Variants in FHIT observed in about 807,000 individuals in gnomAD.
FHIT encodes the protein bis(5'-adenosyl)-triphosphatase.
In FHIT, 19 loss-of-function variants were observed where a neutral mutation model predicts 17.9. That is an observed-to-expected ratio of 1.06 (90% CI 0.74 to 1.56). FHIT has a LOEUF of 1.56. Among genes scored for constraint, FHIT ranks in the 40% most tolerant of loss-of-function variants. The pLI is 0.00. For missense variants in FHIT, 248 were observed against 189.2 expected (o/e 1.31, Z -1.82); for synonymous variants, 81 against 69.7 (o/e 1.16, Z -0.81).
At chr3:60,022,759 G>T (rs553556037) in intron 5 of FHIT, among the ~76,000 whole-genome samples, 12 of 151,978 alleles carry the variant, frequency 7.9e-5, no homozygotes, top group Admixed American at 2.6e-4. Flanking sequence ...CACCAGGGAG[G>T]AAAAAAATAT....
At chr3:60,351,532 G>A (rs936720977) in intron 5 of FHIT, among the ~76,000 whole-genome samples, 1 of 152,172 alleles carries the variant, frequency 6.6e-6, no homozygotes, top group African/African-American at 2.4e-5. Context: ...CTATGGTGAA[G>A]GAGTTATTAC....
At chr3:61,216,584 G>A (rs188537231) in intron 1 of FHIT, among the ~76,000 whole-genome samples, 32 of 152,306 alleles carry the variant, frequency 2.1e-4, no homozygotes, top group African/African-American at 7.7e-4. Flanking sequence ...AAGTCAGTGT[G>A]GCGATTCCTC....
intron 3 of FHIT, among the ~76,000 whole-genome samples, chr3:61,014,807 A>AAAAAAAAAATAT (rs1553798839): frequency 4.1e-5 from 2 of 49,116 alleles, no homozygotes; most frequent in African/African-American, 1.1e-4. Context: ...AAAAAAAAAA[A>AAAAAAAAAATAT]ATATATATAT....
intron 5 of FHIT, among the ~76,000 whole-genome samples, chr3:60,252,705 A>T (rs1234496851): frequency 1.3e-5 from 2 of 152,062 alleles, no homozygotes; most frequent in African/African-American, 4.8e-5. Context: ...ATAAAAAAAG[A>T]CTGGGCTGGG....
At chr3:61,079,261 A>C (rs975533068) in intron 2 of FHIT, among the ~76,000 whole-genome samples, 12 of 152,310 alleles carry the variant, frequency 7.9e-5, no homozygotes, top group African/African-American at 2.9e-4. Flanking sequence ...TGGAGATTTA[A>C]TTACTAAATA....
At chr3:61,040,101 T>C (rs1260439646) in intron 3 of FHIT, among the ~76,000 whole-genome samples, 1 of 152,230 alleles carries the variant, frequency 6.6e-6, no homozygotes, top group Non-Finnish European at 1.5e-5. Context: ...CAAAGGGGTT[T>C]AACGAAACCT....
intron 3 of FHIT, among the ~76,000 whole-genome samples, chr3:60,895,677 T>C (rs868974800): frequency 0.084 from 3,684 of 43,772 alleles, 203 homozygotes; most frequent in African/African-American, 0.24. Flanking sequence ...TTTCTTTCTT[T>C]CTTTCTTTCT....
At chr3:60,574,074 T>G (rs144404990) in intron 4 of FHIT, among the ~76,000 whole-genome samples, 2 of 152,112 alleles carry the variant, frequency 1.3e-5, no homozygotes, top group Non-Finnish European at 2.9e-5. Flanking sequence ...CCTCCCAAAG[T>G]GCTGGCATTA....
chr3:60,252,855 G>A (rs375877695), intron 5 of FHIT, among the ~76,000 whole-genome samples: 19 of 151,840 alleles, frequency 1.3e-4, no homozygotes, highest in East Asian at 5.9e-4. Context: ...AAAATTAGCC[G>A]GGCGTGGTGG....
At position 59,767,225 on chromosome 3, in the gene FHIT, G is replaced by T. The variant is rs188007089; in HGVS notation, c.349-14904C>A. 2.6e-5 allele frequency among the ~76,000 whole-genome samples: 4 copies of T among 152,132 alleles called. No homozygotes were observed. In the East Asian group the frequency reaches 7.7e-4, roughly 29 times the overall value. On this transcript the variant is annotated intron_variant, in intron 8 of 9. Coordinates refer to ENST00000492590, the MANE Select transcript of FHIT (RefSeq NM_002012.4). The stretch of plus-strand genomic sequence containing the variant: ...TGAAAAATGGAGAGCTGGGCCGGGC[G>T]CGGTGGCTCACGCCTGTAATCCCAG...
intron 7 of FHIT, among the ~76,000 whole-genome samples, chr3:59,980,104 G>A (rs9830740): frequency 0.017 from 2,536 of 152,186 alleles, 86 homozygotes; most frequent in African/African-American, 0.058. Context: ...AGCTTACATT[G>A]CTCTTTTCCC....
chr3:60,448,729 T>C (rs1291814736), intron 5 of FHIT, among the ~76,000 whole-genome samples: 1 of 152,188 alleles, frequency 6.6e-6, no homozygotes, highest in East Asian at 1.9e-4. Flanking sequence ...GACACGTGCC[T>C]TTCCTAGCTA....
At chr3:60,315,246 T>C (rs1042816053) in intron 5 of FHIT, among the ~76,000 whole-genome samples, 2 of 152,162 alleles carry the variant, frequency 1.3e-5, no homozygotes, top group Non-Finnish European at 2.9e-5. Flanking sequence ...TAATAATAAA[T>C]TGTCTTCAGC....
intron 5 of FHIT, among the ~76,000 whole-genome samples, chr3:60,168,997 A>G (rs1701302637): frequency 6.6e-6 from 1 of 152,174 alleles, no homozygotes; most frequent in Non-Finnish European, 1.5e-5. Context: ...CTTCCAGAGC[A>G]CTTGAAATAC....
chr3:59,922,214 C>A (rs1471599681), intron 8 of FHIT, 132 bp downstream of exon 8: 3 of 798,126 alleles, frequency 3.8e-6, no homozygotes, highest in African/African-American at 3.5e-5. Flanking sequence ...GCCTCTATTG[C>A]CACTTTCCAA....
chr3:61,221,619 G>C (rs1407839735), intron 1 of FHIT, among the ~76,000 whole-genome samples: 1 of 152,210 alleles, frequency 6.6e-6, no homozygotes, highest in Non-Finnish European at 1.5e-5. Flanking sequence ...GGCATGAAGA[G>C]TGACTGTCAG....
intron 5 of FHIT, among the ~76,000 whole-genome samples, chr3:60,508,149 G>T (rs951804979): frequency 6.6e-6 from 1 of 152,162 alleles, no homozygotes; most frequent in Non-Finnish European, 1.5e-5. Context: ...AGTGAGGAAT[G>T]CTGGTGGCTT....
chr3:59,921,603 G>A (rs9311741), intron 8 of FHIT, among the ~76,000 whole-genome samples: 95,802 of 152,038 alleles, frequency 0.63, 30,328 homozygotes, highest in Admixed American at 0.67. Context: ...CTGCTCTACC[G>A]TGTGGGGGAC....
rs576716055 is a variant in FHIT at position 60,979,323 on chromosome 3, T to C, written c.-111+62724A>G. On this transcript the variant is annotated intron_variant, in intron 3 of 9. Transcript: ENST00000492590. The stretch of plus-strand genomic sequence containing the variant: ...AGTTTCTCTAAAGGAATCAAGAAGA[T>C]ACTTCAGAGTTAACCAGAGGAATTA... Among the ~76,000 whole-genome samples the C allele has an allele frequency of 2.0e-5, 3 of 152,308 alleles. No individual in the cohort carries two copies. In the South Asian group the frequency reaches 6.2e-4, roughly 32 times the overall value.
Sources: allele counts gnomAD v4.1 joint callset (sites outside exome capture counted in the v4.1 genomes callset), GRCh38; gene constraint gnomAD v4.1.1; transcripts MANE v1.5; gene names NCBI Gene and HGNC (gene_info 2026-07-23, HGNC 2026-07-21).